MGAT4C: variants seen among roughly 807,000 people sequenced by gnomAD.
MGAT4C encodes the protein MGAT4 family member C.
Under a neutral mutation model 40.1 loss-of-function variants are expected in MGAT4C, and 19 were observed. That is an observed-to-expected ratio of 0.47 (90% CI 0.33 to 0.70). The LOEUF (loss-of-function observed/expected upper bound fraction) is 0.70. Among genes scored for constraint, MGAT4C ranks in the 30% least tolerant of loss-of-function variants. The pLI, the probability that MGAT4C is intolerant of heterozygous loss-of-function variation, is 0.02. For missense variants in MGAT4C, 491 were observed against 563.2 expected, an observed-to-expected ratio of 0.87 and a Z score of 1.30; for synonymous variants, 181 against 187.1, an observed-to-expected ratio of 0.97 and a Z score of 0.27.
At chr12:86,093,439 C>G (rs1476862843) in intron 1 of MGAT4C, among the ~76,000 whole-genome samples, 1 of 151,946 alleles carries the variant, frequency 6.6e-6, no homozygotes, top group Non-Finnish European at 1.5e-5. Context: ...CTTAAAAGGC[C>G]CTTTTAAAGC....
chr12:86,578,986 T>C (rs951693585), intron 2 of MGAT4C, among the ~76,000 whole-genome samples: 1 of 151,686 alleles, frequency 6.6e-6, no homozygotes, highest in Non-Finnish European at 1.5e-5. Context: ...TAGTGATTCC[T>C]GCTTTTTATT....
chr12:86,119,480 G>A (rs1278208201), intron 1 of MGAT4C, among the ~76,000 whole-genome samples: 2 of 151,384 alleles, frequency 1.3e-5, no homozygotes, highest in Non-Finnish European at 1.5e-5. Flanking sequence ...GCAGTGGCGC[G>A]ATCTGCAACC....
intron 1 of MGAT4C, among the ~76,000 whole-genome samples, chr12:86,761,912 T>C (rs1951413294): frequency 6.6e-6 from 1 of 152,160 alleles, no homozygotes; most frequent in African/African-American, 2.4e-5. Context: ...CTCTGTGGCA[T>C]ATAGAATAAT....
At chr12:86,812,867 G>C (rs896815206) in intron 1 of MGAT4C, among the ~76,000 whole-genome samples, 2 of 151,976 alleles carry the variant, frequency 1.3e-5, no homozygotes, top group African/African-American at 4.8e-5. Context: ...CACTTCTTCT[G>C]GTCACTAACT....
At chr12:86,110,006 A>C (rs577687526) in intron 1 of MGAT4C, among the ~76,000 whole-genome samples, 3 of 151,440 alleles carry the variant, frequency 2.0e-5, no homozygotes, top group African/African-American at 7.3e-5. Flanking sequence ...AAGTGTTCCA[A>C]GTAGAAGAAA....
At chr12:86,409,454 T>C (rs1422149852) in intron 3 of MGAT4C, among the ~76,000 whole-genome samples, 2 of 152,080 alleles carry the variant, frequency 1.3e-5, no homozygotes, top group South Asian at 2.1e-4. Context: ...CAGAAGGCCA[T>C]GAAGTGTGCA....
chr12:86,056,762 C>T (rs1893442259), intron 1 of MGAT4C, among the ~76,000 whole-genome samples: 1 of 152,058 alleles, frequency 6.6e-6, no homozygotes, highest in Non-Finnish European at 1.5e-5. Context: ...AATAGGATCG[C>T]TGGATCAAAT....
At chr12:86,740,466 GATA>G (rs1335471347) in intron 1 of MGAT4C, among the ~76,000 whole-genome samples, 3 of 151,124 alleles carry the variant, frequency 2.0e-5, no homozygotes, top group Non-Finnish European at 4.5e-5. Flanking sequence ...TAACCAAAAA[GATA>G]ATAGAGGGTG....
chr12:86,429,279 C>G (rs932641570), intron 3 of MGAT4C, among the ~76,000 whole-genome samples: 3 of 152,010 alleles, frequency 2.0e-5, no homozygotes, highest in Non-Finnish European at 4.4e-5. Context: ...TCTAAAATTG[C>G]TACTGTTATG....
In MGAT4C at chr12:86,512,026, A is replaced by T. The variant is rs189070089; in HGVS notation, c.-228-76761T>A. ...AAAGGATTTATATTCAAAATATATT[A>T]AAAAACCTACAATGCAATCGCAGAA... On this transcript the variant is annotated intron_variant, in intron 2 of 7. Coordinates refer to the MGAT4C transcript ENST00000548651. 5.5e-4 allele frequency among the ~76,000 whole-genome samples: 84 copies of T among 152,258 alleles called. 1 individual carries two copies. Among genetic ancestry groups the T allele is most frequent in the South Asian group, 4.6e-3 (22 of 4,834 alleles).
At chr12:86,587,340 G>C (rs1461744972) in intron 2 of MGAT4C, among the ~76,000 whole-genome samples, 1 of 152,096 alleles carries the variant, frequency 6.6e-6, no homozygotes, top group Admixed American at 6.6e-5. Context: ...GTACCATGCT[G>C]TTTTGGTTAC....
intron 2 of MGAT4C, among the ~76,000 whole-genome samples, chr12:86,701,598 T>C (rs1484745999): frequency 6.6e-6 from 1 of 152,258 alleles, no homozygotes; most frequent in Non-Finnish European, 1.5e-5. Flanking sequence ...ATATTGAAAT[T>C]AGGCCAATTA....
At chr12:86,490,358 T>C (rs1428894553) in intron 2 of MGAT4C, among the ~76,000 whole-genome samples, 2 of 151,902 alleles carry the variant, frequency 1.3e-5, no homozygotes, top group East Asian at 1.9e-4. Flanking sequence ...AAATACTTTA[T>C]AGACAAGCAA....
At chr12:86,197,541 T>C (rs1593207640) in intron 1 of MGAT4C, among the ~76,000 whole-genome samples, 1 of 152,086 alleles carries the variant, frequency 6.6e-6, no homozygotes, top group East Asian at 1.9e-4. Context: ...TACAAGAAAA[T>C]GGCAGTCCGC....
upstream of MGAT4C, among the ~76,000 whole-genome samples, chr12:86,258,583 T>C (rs979191912): frequency 1.3e-5 from 2 of 152,044 alleles, no homozygotes; most frequent in African/African-American, 4.8e-5. Context: ...GCATTTTGTA[T>C]CAATAACCCA....
At chr12:86,035,659 A>G (rs1592741024) in intron 2 of MGAT4C, among the ~76,000 whole-genome samples, 1 of 149,686 alleles carries the variant, frequency 6.7e-6, no homozygotes, top group Non-Finnish European at 1.5e-5. Context: ...TCCATGCCAA[A>G]GTCCTGAATG....
intron 1 of MGAT4C, among the ~76,000 whole-genome samples, chr12:86,131,771 C>G (rs561806857): frequency 6.6e-6 from 1 of 151,492 alleles, no homozygotes; most frequent in African/African-American, 2.4e-5. Context: ...ACAATACAAC[C>G]GTTAAGAAAA....
At chr12:86,062,250 T>C (rs1413447386) in intron 1 of MGAT4C, among the ~76,000 whole-genome samples, 1 of 152,088 alleles carries the variant, frequency 6.6e-6, no homozygotes, top group Non-Finnish European at 1.5e-5. Context: ...GGAATGGCCC[T>C]CCAGCAAACT....
chr12:86,075,962 GC>G (rs1208942556), intron 1 of MGAT4C, among the ~76,000 whole-genome samples: 1 of 152,138 alleles, frequency 6.6e-6, no homozygotes, highest in African/African-American at 2.4e-5. Context: ...TGCTACTTAT[GC>G]AAATTTCTGC....
Sources: allele counts gnomAD v4.1 joint callset (sites outside exome capture counted in the v4.1 genomes callset), GRCh38; gene constraint gnomAD v4.1.1; transcripts MANE v1.5; gene names NCBI Gene and HGNC (gene_info 2026-07-23, HGNC 2026-07-21).